UNC45B: variants seen among roughly 807,000 people sequenced by gnomAD.
The protein encoded by UNC45B is unc-45 myosin chaperone B, also known as protein unc-45 homolog B.
UNC45B carries 78 observed loss-of-function variants against 98.7 expected under a neutral mutation model. The ratio of observed to expected loss-of-function variants is 0.79; its 90% CI spans 0.66 to 0.95. UNC45B has a LOEUF of 0.95. Among genes scored for constraint, UNC45B ranks in the 40% least tolerant of loss-of-function variants. UNC45B has a pLI of 0.00. For missense variants in UNC45B, 1,225 were observed against 1,184.9 expected (o/e 1.03, Z -0.50); for synonymous variants, 462 against 480.4 (o/e 0.96, Z 0.50).
At chr17:35,151,257 G>A in intron 4 of UNC45B, 1 of 225,000 alleles carries the variant, frequency 4.4e-6, no homozygotes, top group Non-Finnish European at 9.0e-6. Flanking sequence ...TGAGGTCGCG[G>A]GCCTCGATCA....
chr17:35,167,626 AAAAG>A (rs2092150346), intron 9 of UNC45B, among the ~76,000 whole-genome samples: 1 of 151,902 alleles, frequency 6.6e-6, no homozygotes, highest in Admixed American at 6.6e-5. Context: ...AAAAAAAAAA[AAAAG>A]AAAGAAAAAG....
At chr17:35,182,318 T>C (rs868783486) in intron 18 of UNC45B, among the ~76,000 whole-genome samples, 3 of 152,064 alleles carry the variant, frequency 2.0e-5, no homozygotes, top group South Asian at 2.1e-4. Context: ...CTTGATCTCC[T>C]GACCTCGTGG....
At chr17:35,164,246 G>A in intron 9 of UNC45B, 80 bp downstream of exon 9, 1 of 1,474,526 alleles carries the variant, frequency 6.8e-7, no homozygotes, top group Admixed American at 2.2e-5. Context: ...TCAAAATTTA[G>A]CAGCTCAAAC....
chr17:35,170,560 G>C (rs1415598136), intron 12 of UNC45B, among the ~76,000 whole-genome samples: 1 of 147,800 alleles, frequency 6.8e-6, no homozygotes, highest in African/African-American at 2.5e-5. Flanking sequence ...AAAAAGCAGG[G>C]CATCGTAGCA....
chr17:35,171,592 T>C, intron 13 of UNC45B, 130 bp downstream of exon 13: 1 of 1,002,336 alleles, frequency 1.0e-6, no homozygotes, highest in Non-Finnish European at 1.4e-6. Context: ...AAGATACACA[T>C]ACATTGAATA....
At chr17:35,182,810 G>C (rs1315082419) in intron 18 of UNC45B, among the ~76,000 whole-genome samples, 1 of 152,034 alleles carries the variant, frequency 6.6e-6, no homozygotes, top group African/African-American at 2.4e-5. Context: ...AGAATGCGCT[G>C]AGACTTGACC....
At chr17:35,183,149 T>C (rs1022358961) in intron 18 of UNC45B, among the ~76,000 whole-genome samples, 2 of 149,284 alleles carry the variant, frequency 1.3e-5, no homozygotes, top group African/African-American at 5.0e-5. Flanking sequence ...CCTGCAGGAG[T>C]CTGTGCCTGC....
At chr17:35,153,418 G>T (rs1030513660) in intron 5 of UNC45B, among the ~76,000 whole-genome samples, 3 of 151,688 alleles carry the variant, frequency 2.0e-5, no homozygotes, top group Non-Finnish European at 4.4e-5. Context: ...AAAAAATATT[G>T]AAAGAAGTCA....
At position 35,187,601 on chromosome 17, in the gene UNC45B, T is replaced by C. The variant is rs990390061; in HGVS notation, c.*1042T>C. On this transcript the variant is annotated 3_prime_UTR_variant, in exon 20 of 20. Coordinates refer to ENST00000394570, the MANE Select transcript of UNC45B (RefSeq NM_001267052.2). ...GCTAATTGGCCAGGCCTGGGTCATA[T>C]ATACAAGTCTAGGGAAGAAATGAGC... The C allele has an allele frequency of 2.6e-5, 4 of 152,210 alleles. No individual in the cohort carries two copies. Among genetic ancestry groups the C allele is most frequent in the African/African-American group, 7.2e-5 (3 of 41,442 alleles). 9.4% of individuals were successfully genotyped at this position (152,210 alleles called of 1,614,324 possible).
chr17:35,155,746 T>G (rs1684629527), intron 7 of UNC45B, among the ~76,000 whole-genome samples: 1 of 152,090 alleles, frequency 6.6e-6, no homozygotes, highest in African/African-American at 2.4e-5. Flanking sequence ...ATTTTTGTAT[T>G]TTTAGTAGAG....
At chr17:35,185,586 A>G (rs2092298975) in intron 19 of UNC45B, among the ~76,000 whole-genome samples, 2 of 152,054 alleles carry the variant, frequency 1.3e-5, no homozygotes, top group South Asian at 4.1e-4. Flanking sequence ...GATTACAGGC[A>G]TGAGCCACCG....
chr17:35,178,567 C>T (rs2092252146), intron 17 of UNC45B, among the ~76,000 whole-genome samples: 1 of 152,112 alleles, frequency 6.6e-6, no homozygotes, highest in Non-Finnish European at 1.5e-5. Flanking sequence ...TCAATTTTGG[C>T]TTTTGTTGCC....
rs1011952724 is a variant in UNC45B, at chr17:35,152,823, G to T, written c.382-70G>T. 5.2e-6 allele frequency: 6 copies of T among 1,162,394 alleles called. No homozygotes were observed. The Admixed American group carries it at 8.4e-5, about 16-fold the overall frequency. The allele number at this position is 1,162,394 out of a possible 1,614,324, so 72.0% of individuals were successfully genotyped here. ...GTAGACACCTGATATTTACTGAGAT[G>T]AACTGAATGTGGAGCTGAAATGACG... On this transcript the variant is annotated intron_variant, in intron 4 of 19. Coordinates refer to ENST00000394570, the MANE Select transcript of UNC45B (RefSeq NM_001267052.2).
At chr17:35,159,767 A>G (rs563837244) in intron 8 of UNC45B, among the ~76,000 whole-genome samples, 31 of 152,182 alleles carry the variant, frequency 2.0e-4, no homozygotes, top group Non-Finnish European at 4.0e-4. Context: ...GCCCAAACAC[A>G]TCCCCAAAAC....
chr17:35,166,051 G>A (rs2092136781), intron 9 of UNC45B, among the ~76,000 whole-genome samples: 1 of 123,714 alleles, frequency 8.1e-6, no homozygotes, highest in Admixed American at 1.1e-4. Flanking sequence ...AGGAGTTTGA[G>A]ACCAACCCAG....
At chr17:35,163,775 G>T (rs2092118733) in intron 8 of UNC45B, among the ~76,000 whole-genome samples, 1 of 152,190 alleles carries the variant, frequency 6.6e-6, no homozygotes, top group Non-Finnish European at 1.5e-5. Flanking sequence ...CATGAAAATA[G>T]AGGCCCCTAG....
chr17:35,183,704 G>A (rs947506509), intron 19 of UNC45B, 122 bp downstream of exon 19: 14 of 1,115,062 alleles, frequency 1.3e-5, no homozygotes, highest in African/African-American at 3.2e-5. Flanking sequence ...GCAGCCCCCA[G>A]GCTTCTGTTC....
At chr17:35,153,048 C>T (rs1212643667) in intron 5 of UNC45B, 66 bp downstream of exon 5, 9 of 1,408,226 alleles carry the variant, frequency 6.4e-6, no homozygotes, top group South Asian at 3.8e-5. Context: ...GACATCATTC[C>T]GAGGGGGAAG....
intron 19 of UNC45B, among the ~76,000 whole-genome samples, chr17:35,185,677 C>T (rs2092299417): frequency 6.6e-6 from 1 of 152,054 alleles, no homozygotes; most frequent in African/African-American, 2.4e-5. Context: ...TACTGTGCTC[C>T]AGCCTCCATA....
Sources: allele counts gnomAD v4.1 joint callset (sites outside exome capture counted in the v4.1 genomes callset), GRCh38; gene constraint gnomAD v4.1.1; transcripts MANE v1.5; gene names NCBI Gene and HGNC (gene_info 2026-07-23, HGNC 2026-07-21).